The following PCDH15 variants were observed in gnomAD, a reference collection of about 807,000 sequenced individuals.
PCDH15 encodes protocadherin-15.
In PCDH15, 129 loss-of-function variants were observed where a neutral mutation model predicts 178.5. The observed-to-expected ratio is 0.72, with a 90% CI of 0.63 to 0.84. The LOEUF (loss-of-function observed/expected upper bound fraction) is 0.84. PCDH15 is among the 40% of genes least tolerant of loss of function. The pLI is 0.00. For synonymous variants in PCDH15, 800 were observed against 732.0 expected (o/e 1.09, Z -1.50); for missense variants, 2,230 against 2,099.9 (o/e 1.06, Z -1.21).
intron 2 of PCDH15, among the ~76,000 whole-genome samples, chr10:54,640,003 T>G (rs2093954179): frequency 6.6e-6 from 1 of 152,136 alleles, no homozygotes; most frequent in African/African-American, 2.4e-5. Context: ...GAAGATCACT[T>G]GAGCCCAGGA....
chr10:54,389,450 C>T (rs191774586), intron 3 of PCDH15, among the ~76,000 whole-genome samples: 1 of 152,274 alleles, frequency 6.6e-6, no homozygotes, highest in East Asian at 1.9e-4. Context: ...GAGGGTAGAG[C>T]CGTCTAGTTG....
intron 3 of PCDH15, among the ~76,000 whole-genome samples, chr10:54,399,591 G>A (rs906349121): frequency 4.6e-5 from 7 of 152,000 alleles, no homozygotes; most frequent in Non-Finnish European, 7.4e-5. Context: ...AATGGTCTGC[G>A]GTTAGGAAAT....
intron 2 of PCDH15, among the ~76,000 whole-genome samples, chr10:55,415,043 G>T (rs1265200029): frequency 6.6e-6 from 1 of 151,548 alleles, no homozygotes; most frequent in African/African-American, 2.4e-5. Flanking sequence ...TATGTTAGTT[G>T]TAAGATGTTT....
intron 8 of PCDH15, among the ~76,000 whole-genome samples, chr10:54,238,710 C>CACACACACACACACACAA (rs1470333410): frequency 8.0e-5 from 12 of 150,354 alleles, no homozygotes; most frequent in Middle Eastern, 6.8e-3. Flanking sequence ...CACACACACA[C>CACACACACACACACACAA]ACACTTTCCC....
chr10:55,571,927 T>A (rs560573626), intron 2 of PCDH15, among the ~76,000 whole-genome samples: 1 of 152,226 alleles, frequency 6.6e-6, no homozygotes, highest in Non-Finnish European at 1.5e-5. Context: ...AAGAATGACA[T>A]AAGTCTGCTA....
intron 1 of PCDH15, among the ~76,000 whole-genome samples, chr10:54,761,297 T>A (rs1489458420): frequency 6.6e-6 from 1 of 152,184 alleles, no homozygotes; most frequent in East Asian, 1.9e-4. Context: ...TATGACCTAC[T>A]AATTAGTCAC....
intron 4 of PCDH15, among the ~76,000 whole-genome samples, chr10:54,376,766 T>C (rs1033598829): frequency 3.3e-5 from 5 of 151,936 alleles, no homozygotes; most frequent in Non-Finnish European, 5.9e-5. Flanking sequence ...TGGAAGCATA[T>C]AGGGACAATA....
chr10:54,539,398 T>C (rs955156802), intron 2 of PCDH15, among the ~76,000 whole-genome samples: 1 of 152,136 alleles, frequency 6.6e-6, no homozygotes, highest in Non-Finnish European at 1.5e-5. Context: ...CATTACATAA[T>C]GATAAAGGGT....
intron 2 of PCDH15, among the ~76,000 whole-genome samples, chr10:55,498,774 G>A (rs1840590667): frequency 6.6e-6 from 1 of 151,794 alleles, no homozygotes; most frequent in African/African-American, 2.4e-5. Flanking sequence ...CCTATCCCTT[G>A]CTATGCATGC....
chr10:55,350,619 A>G (rs2131966307), intron 2 of PCDH15, among the ~76,000 whole-genome samples: 1 of 152,130 alleles, frequency 6.6e-6, no homozygotes, highest in Non-Finnish European at 1.5e-5. Context: ...CTGTTCATCG[A>G]AGATAGAAAA....
intron 3 of PCDH15, among the ~76,000 whole-genome samples, chr10:54,466,770 G>T (rs1200684220): frequency 1.3e-5 from 2 of 151,870 alleles, no homozygotes; most frequent in African/African-American, 4.8e-5. Flanking sequence ...TCACTTTAAT[G>T]ATGTTAATTC....
chr10:54,020,972 T>G (rs2092903713), intron 19 of PCDH15, among the ~76,000 whole-genome samples: 1 of 152,082 alleles, frequency 6.6e-6, no homozygotes, highest in South Asian at 2.1e-4. Context: ...TCTACCATAC[T>G]TCCTTTGATT....
chr10:54,813,157 C>T (rs1428400289), intron 3 of PCDH15, among the ~76,000 whole-genome samples: 2 of 152,002 alleles, frequency 1.3e-5, no homozygotes, highest in African/African-American at 2.4e-5. Flanking sequence ...TTTGGTGGTT[C>T]CCCTTTTCTA....
At chr10:54,881,850 T>C (rs1231740217) in intron 3 of PCDH15, among the ~76,000 whole-genome samples, 1 of 152,194 alleles carries the variant, frequency 6.6e-6, no homozygotes, top group Non-Finnish European at 1.5e-5. Flanking sequence ...TTTTTGTTTA[T>C]AAGTGTTTTC....
chr10:54,460,331 T>A (rs552258730), intron 3 of PCDH15, among the ~76,000 whole-genome samples: 2 of 152,200 alleles, frequency 1.3e-5, no homozygotes, highest in East Asian at 3.9e-4. Flanking sequence ...GAATTCATAA[T>A]AATAAAAATC....
intron 1 of PCDH15, among the ~76,000 whole-genome samples, chr10:54,716,868 G>T (rs1362297890): frequency 6.8e-6 from 1 of 148,118 alleles, no homozygotes; most frequent in Non-Finnish European, 1.5e-5. Context: ...TATACTACAA[G>T]GCTACAGTAA....
At chr10:54,936,689 T>C (rs1837915104) in intron 2 of PCDH15, among the ~76,000 whole-genome samples, 1 of 151,330 alleles carries the variant, frequency 6.6e-6, no homozygotes, top group Non-Finnish European at 1.5e-5. Context: ...AGGAATAGTG[T>C]CTATTACTTT....
chr10:54,570,497 CCTTT>C (rs1386649949), intron 2 of PCDH15, among the ~76,000 whole-genome samples: 2 of 152,018 alleles, frequency 1.3e-5, no homozygotes, highest in Admixed American at 1.3e-4. Context: ...ACTTACTGAT[CCTTT>C]CTTTTAGATT....
At chr10:55,118,855 C>A (rs989338785) in intron 2 of PCDH15, among the ~76,000 whole-genome samples, 3 of 152,156 alleles carry the variant, frequency 2.0e-5, no homozygotes, top group African/African-American at 7.2e-5. Flanking sequence ...GTTTCCATAC[C>A]AGCCTTCAGG....
Sources: allele counts gnomAD v4.1 joint callset (sites outside exome capture counted in the v4.1 genomes callset), GRCh38; gene constraint gnomAD v4.1.1; transcripts MANE v1.5; gene names NCBI Gene and HGNC (gene_info 2026-07-23, HGNC 2026-07-21).